The following AMPH variants were observed in gnomAD, a reference collection of about 807,000 sequenced individuals.
The protein encoded by AMPH is amphiphysin.
A neutral mutation model predicts 99.1 loss-of-function variants in AMPH; 49 were observed. That is an observed-to-expected ratio of 0.49 (90% CI 0.39 to 0.63). AMPH has a LOEUF of 0.63. Ranked by LOEUF, AMPH falls within the 20% of genes least tolerant of loss-of-function variation. The pLI, the probability that AMPH is intolerant of heterozygous loss-of-function variation, is 0.00. For missense variants in AMPH, 759 were observed against 863.4 expected (o/e 0.88, Z 1.52); for synonymous variants, 314 against 317.3 (o/e 0.99, Z 0.11).
intron 1 of AMPH, among the ~76,000 whole-genome samples, chr7:38,588,621 C>T (rs1490683402): frequency 1.3e-5 from 2 of 152,130 alleles, no homozygotes; most frequent in East Asian, 3.9e-4. Context: ...ATATGCACTA[C>T]TCACATCCCT....
At chr7:38,583,383 C>T (rs1468449504) in intron 1 of AMPH, among the ~76,000 whole-genome samples, 2 of 148,024 alleles carry the variant, frequency 1.4e-5, no homozygotes, top group Admixed American at 1.3e-4. Flanking sequence ...CGAAAAGTAG[C>T]TATTCAATAA....
intron 5 of AMPH, among the ~76,000 whole-genome samples, chr7:38,483,311 G>A (rs189220613): frequency 4.8e-4 from 73 of 152,192 alleles, no homozygotes; most frequent in Non-Finnish European, 6.0e-4. Context: ...GAGCAAGCAG[G>A]AGGAAACAAA....
chr7:38,434,694 G>A (rs149510835), intron 12 of AMPH, among the ~76,000 whole-genome samples: 3,422 of 149,966 alleles, frequency 0.023, 143 homozygotes, highest in African/African-American at 0.08. Flanking sequence ...AGCCAAGATC[G>A]CACCACTGCA....
chr7:38,386,151 C>T (rs1180720373), intron 20 of AMPH, among the ~76,000 whole-genome samples: 5 of 152,008 alleles, frequency 3.3e-5, no homozygotes, highest in African/African-American at 9.7e-5. Flanking sequence ...AGGAAAAAAA[C>T]GACTCAATAA....
chr7:38,450,144 G>A (rs2129002752), intron 11 of AMPH, among the ~76,000 whole-genome samples: 1 of 152,340 alleles, frequency 6.6e-6, no homozygotes, highest in South Asian at 2.1e-4. Context: ...CATTCCTATG[G>A]CGTGATAAGC....
At chr7:38,575,816 C>T (rs999800935) in intron 1 of AMPH, among the ~76,000 whole-genome samples, 1 of 152,160 alleles carries the variant, frequency 6.6e-6, no homozygotes, top group East Asian at 1.9e-4. Flanking sequence ...ACCTCTCGAT[C>T]GCTGCCCAGG....
At chr7:38,443,110 T>C (rs915356518) in intron 11 of AMPH, among the ~76,000 whole-genome samples, 12 of 152,188 alleles carry the variant, frequency 7.9e-5, no homozygotes, top group Middle Eastern at 3.4e-3. Context: ...CAAATACATT[T>C]GGCAATTTAG....
chr7:38,451,325 AC>A (rs1787011748), intron 11 of AMPH, among the ~76,000 whole-genome samples: 1 of 147,732 alleles, frequency 6.8e-6, no homozygotes, highest in African/African-American at 2.6e-5. Flanking sequence ...ACACATATAT[AC>A]ACATGTATAT....
intron 1 of AMPH, among the ~76,000 whole-genome samples, chr7:38,593,830 T>C (rs1387127907): frequency 6.6e-6 from 1 of 152,064 alleles, no homozygotes; most frequent in Admixed American, 6.6e-5. Flanking sequence ...CGTGAGATGA[T>C]AGTAAGGCTC....
chr7:38,553,031 G>A (rs1040196321), intron 1 of AMPH, among the ~76,000 whole-genome samples: 1 of 152,164 alleles, frequency 6.6e-6, no homozygotes, highest in Admixed American at 6.5e-5. Context: ...CAGTGGGAGA[G>A]GCACCAGCAG....
chr7:38,429,445 C>G (rs868708201), intron 14 of AMPH: 1 of 1,297,478 alleles, frequency 7.7e-7, no homozygotes, highest in Non-Finnish European at 1.0e-6. Context: ...CTGACCCTGT[C>G]TGTACTAGCG....
intron 1 of AMPH, among the ~76,000 whole-genome samples, chr7:38,567,550 AT>A (rs1208154281): frequency 6.6e-6 from 1 of 152,240 alleles, no homozygotes; most frequent in African/African-American, 2.4e-5. Context: ...AATTAAAAAA[AT>A]AAAATACAAT....
intron 1 of AMPH, among the ~76,000 whole-genome samples, chr7:38,602,223 C>G (rs12701640): frequency 0.64 from 97,299 of 152,056 alleles, 31,795 homozygotes; most frequent in Non-Finnish European, 0.71. Flanking sequence ...CCCTGACCAC[C>G]TGGCAGCCCT....
rs182299533 is a variant in AMPH at position 38,557,832 on chromosome 7, T to A, written c.70-22821A>T. On this transcript the variant is annotated intron_variant, in intron 1 of 20. Coordinates refer to ENST00000356264, the MANE Select transcript of AMPH (RefSeq NM_001635.4). Reference sequence around the variant, plus strand: ...ACTTTGGGAGGCTGAGGCAGGTGGATTGCCTGAGCCTAGGAGTTTGAGACC... The same window carrying A: ...ACTTTGGGAGGCTGAGGCAGGTGGAATGCCTGAGCCTAGGAGTTTGAGACC... Among the ~76,000 whole-genome samples the A allele has an allele frequency of 2.6e-5, 4 of 152,114 alleles. No homozygotes were observed. The East Asian group carries it at 5.8e-4, about 22-fold the overall frequency.
chr7:38,580,546 T>C (rs1356151573), intron 1 of AMPH, among the ~76,000 whole-genome samples: 1 of 152,156 alleles, frequency 6.6e-6, no homozygotes, highest in African/African-American at 2.4e-5. Context: ...GTATTAGGCA[T>C]GATGCTCTGT....
intron 1 of AMPH, among the ~76,000 whole-genome samples, chr7:38,575,396 A>T (rs2129053555): frequency 6.6e-6 from 1 of 152,302 alleles, no homozygotes; most frequent in Admixed American, 6.5e-5. Context: ...AAGGACATTT[A>T]TTTGGTTTGG....
rs953410902 is a variant in AMPH at position 38,549,311 on chromosome 7, C to T, written c.70-14300G>A. 5.3e-5 allele frequency among the ~76,000 whole-genome samples: 8 copies of T among 152,146 alleles called. No individual in the cohort carries two copies. In the South Asian group the frequency reaches 6.2e-4, roughly 12 times the overall value. Reference sequence around the variant, plus strand: ...CATTGAGAATGCAAGGCAATCACAACCAATTTCATAGGTACATAAGAGACA... The same window carrying T: ...CATTGAGAATGCAAGGCAATCACAATCAATTTCATAGGTACATAAGAGACA... On this transcript the variant is annotated intron_variant, in intron 1 of 20. Transcript: ENST00000356264.
At chr7:38,625,874 T>C (rs1474262446) in intron 1 of AMPH, among the ~76,000 whole-genome samples, 1 of 152,106 alleles carries the variant, frequency 6.6e-6, no homozygotes, top group Non-Finnish European at 1.5e-5. Flanking sequence ...TAGAAACTCA[T>C]GAAGCTGAAC....
chr7:38,455,088 T>C (rs1787178626), intron 11 of AMPH, among the ~76,000 whole-genome samples: 1 of 151,976 alleles, frequency 6.6e-6, no homozygotes, highest in South Asian at 2.1e-4. Context: ...ATTCTTTTTT[T>C]TTTTTCCTGA....
Sources: allele counts gnomAD v4.1 joint callset (sites outside exome capture counted in the v4.1 genomes callset), GRCh38; gene constraint gnomAD v4.1.1; transcripts MANE v1.5; gene names NCBI Gene and HGNC (gene_info 2026-07-23, HGNC 2026-07-21).